Variants in CDCP2 observed in about 807,000 individuals in gnomAD.
CDCP2 encodes CUB domain-containing protein 2.
In CDCP2, 31 loss-of-function variants were observed where a neutral mutation model predicts 31.0. That is an observed-to-expected ratio of 1.00 (90% CI 0.75 to 1.35). CDCP2 has a LOEUF of 1.35. Ranked by LOEUF, CDCP2 falls within the 40% of genes most tolerant of loss-of-function variation. CDCP2 has a pLI of 0.00. For missense variants in CDCP2, 443 were observed against 482.6 expected (o/e 0.92, Z 0.77); for synonymous variants, 206 against 207.9 (o/e 0.99, Z 0.08).
intron 1 of CDCP2, among the ~76,000 whole-genome samples, chr1:54,145,605 TTAATAA>T (rs904664150): frequency 2.6e-4 from 39 of 152,134 alleles, no homozygotes; most frequent in Non-Finnish European, 4.4e-4. Context: ...TATTTTGAAA[TTAATAA>T]TAATAATAAC....
intron 5 of CDCP2, among the ~76,000 whole-genome samples, 189 bp downstream of exon 5, chr1:54,136,441 A>G (rs1200317515): frequency 6.6e-6 from 1 of 152,210 alleles, no homozygotes; most frequent in African/African-American, 2.4e-5. Context: ...TGTCTCTCCT[A>G]TTGGAGTTCT....
chr1:54,141,281 C>T (rs1482251656), exon 3 of CDCP2: 1 of 1,614,118 alleles, frequency 6.2e-7, no homozygotes, highest in Middle Eastern at 1.6e-4. Context: ...TCTTCATTGC[C>T]CTCCACCTGG....
chr1:54,149,937 T>C (rs1659548620), intron 1 of CDCP2, among the ~76,000 whole-genome samples: 1 of 152,228 alleles, frequency 6.6e-6, no homozygotes, highest in Admixed American at 6.5e-5. Context: ...GGGAAGTCAC[T>C]TGTTGTAGTG....
At chr1:54,149,046 T>C (rs1659529773) in intron 1 of CDCP2, among the ~76,000 whole-genome samples, 1 of 148,668 alleles carries the variant, frequency 6.7e-6, no homozygotes, top group Non-Finnish European at 1.5e-5. Flanking sequence ...TGGGGAAAAC[T>C]GAACATGAAT....
intron 1 of CDCP2, 143 bp from the exon 2 acceptor site, chr1:54,144,956 T>C: frequency 1.6e-6 from 1 of 618,882 alleles, no homozygotes. Flanking sequence ...CTCATGCATC[T>C]ACTTATTCTT....
At chr1:54,140,257 C>T (rs1659342962) in intron 3 of CDCP2, 151 bp from the exon 4 acceptor site, 3 of 653,376 alleles carry the variant, frequency 4.6e-6, no homozygotes, top group Admixed American at 5.3e-5. Context: ...GACAATTGAT[C>T]CCAACTATCT....
chr1:54,150,552 G>T lies in CDCP2; in HGVS notation c.79+2292C>A, dbSNP rs551845589. Among the ~76,000 whole-genome samples, 51 of 151,902 alleles carry T rather than the reference G, an allele frequency of 3.4e-4. 1 individual carries two copies. In the South Asian group the frequency reaches 0.01, roughly 30 times the overall value. On this transcript the variant is annotated intron_variant, in intron 1 of 5. Coordinates refer to ENST00000530059, the Ensembl canonical transcript of CDCP2. Reference sequence around the variant, plus strand: ...AGAGGCTGCACTGAGCCGAGATTGCGCCACTGCACTCCAGCCTGGGTGAGA... The same window carrying T: ...AGAGGCTGCACTGAGCCGAGATTGCTCCACTGCACTCCAGCCTGGGTGAGA...
At chr1:54,149,574 C>G (rs1659540203) in intron 1 of CDCP2, among the ~76,000 whole-genome samples, 1 of 152,204 alleles carries the variant, frequency 6.6e-6, no homozygotes, top group African/African-American at 2.4e-5. Flanking sequence ...TCAGCGAGGC[C>G]TTCCCTAACC....
intron 5 of CDCP2, among the ~76,000 whole-genome samples, 190 bp downstream of exon 5, chr1:54,136,440 T>C (rs1465427174): frequency 6.6e-6 from 1 of 152,184 alleles, no homozygotes; most frequent in Non-Finnish European, 1.5e-5. Flanking sequence ...CTGTCTCTCC[T>C]ATTGGAGTTC....
rs746489592 is a variant in CDCP2, at chr1:54,144,795, A to C, written c.98T>G (p.Val33Gly). The C allele has an allele frequency of 5.6e-6, 9 of 1,611,788 alleles. No homozygotes were observed. In the Admixed American group the frequency reaches 1.3e-4, roughly 24 times the overall value. ...GAAGTTTCCAGAAGGTGCTGAGAGC[A>C]CACCCCCACATTTGACACCTGGGGC... Residue 33 changes from valine to glycine, a missense_variant, in exon 2 of 6, where the codon GTG becomes GGG. Coordinates refer to ENST00000530059, the Ensembl canonical transcript of CDCP2.
At chr1:54,144,229 G>T (rs1031007091) in intron 2 of CDCP2, 4 of 480,842 alleles carry the variant, frequency 8.3e-6, no homozygotes, top group Non-Finnish European at 1.5e-5. Flanking sequence ...TATAAACTAT[G>T]CATGAGAGCT....
At chr1:54,149,291 A>G (rs1298379718) in intron 1 of CDCP2, among the ~76,000 whole-genome samples, 1 of 151,868 alleles carries the variant, frequency 6.6e-6, no homozygotes, top group African/African-American at 2.4e-5. Context: ...GAGGTTATAT[A>G]CAGTTTTATG....
At chr1:54,144,170 A>C in intron 2 of CDCP2, 1 of 281,580 alleles carries the variant, frequency 3.6e-6, no homozygotes, top group African/African-American at 2.2e-5. Flanking sequence ...GAAGGTGGGA[A>C]CCCCAGCTAC....
chr1:54,136,899 T>C (rs1659267871), intron 4 of CDCP2, 91 bp from the exon 5 acceptor site: 2 of 398,468 alleles, frequency 5.0e-6, no homozygotes, highest in Non-Finnish European at 8.8e-6. Context: ...CAAAGGGTGG[T>C]GGATGGGGAA....
intron 1 of CDCP2, among the ~76,000 whole-genome samples, chr1:54,148,878 A>G (rs1402436800): frequency 1.3e-5 from 2 of 151,052 alleles, no homozygotes; most frequent in Admixed American, 6.6e-5. Flanking sequence ...AAATAATAAT[A>G]ATTTTATTAA....
At chr1:54,140,739 C>T (rs184490975) in intron 3 of CDCP2, 44 of 203,282 alleles carry the variant, frequency 2.2e-4, no homozygotes, top group African/African-American at 8.3e-4. Context: ...TTCATTTGTA[C>T]GAAAATTGAG....
intron 2 of CDCP2, chr1:54,141,806 G>C (rs1304771936): frequency 5.5e-6 from 1 of 181,748 alleles, no homozygotes; most frequent in African/African-American, 2.4e-5. Flanking sequence ...GGGGCCCCCA[G>C]GTGGGGAGGG....
In CDCP2 at chr1:54,136,742, G is replaced by C. The variant is rs368811335; in HGVS notation, c.1184C>G (p.Ala395Gly). 7.5e-6 allele frequency: 3 copies of C among 399,158 alleles called. 1 individual carries two copies. Among genetic ancestry groups the C allele is most frequent in the African/African-American group, 6.2e-5 (3 of 48,748 alleles). The allele number at this position is 399,158 out of a possible 1,614,324, so 24.7% of individuals were successfully genotyped here. A position where few individuals can be genotyped will look rare whatever the true frequency, so the allele number is the denominator to read the frequency against. Residue 395 changes from alanine to glycine, a missense_variant, in exon 5 of 6, where the codon GCC becomes GGC. Coordinates refer to ENST00000530059, the Ensembl canonical transcript of CDCP2. ...GTAGACCTTGGTCCGCTCCAGCGGGGCCAGCGCCTGCGTGGAGATCAGGAT... is the reference window on the plus strand; with the variant it reads ...GTAGACCTTGGTCCGCTCCAGCGGGCCCAGCGCCTGCGTGGAGATCAGGAT...
At chr1:54,133,542 G>C (rs1418347595) in intron 5 of CDCP2, among the ~76,000 whole-genome samples, 3 of 152,180 alleles carry the variant, frequency 2.0e-5, no homozygotes, top group African/African-American at 7.2e-5. Flanking sequence ...CATGGTCCAG[G>C]CTCTATATTT....
Sources: gnomAD v4.1 joint callset for allele counts (sites outside exome capture counted in the v4.1 genomes callset) on GRCh38, gnomAD v4.1.1 for gene constraint, MANE v1.5 for transcripts, NCBI Gene and HGNC (gene_info 2026-07-23, HGNC 2026-07-21) for gene names.